The following EXOC6B variants were observed in gnomAD, a reference collection of about 807,000 sequenced individuals.
The protein encoded by EXOC6B is SEC15 homolog B.
Under a neutral mutation model 113.5 loss-of-function variants are expected in EXOC6B, and 54 were observed. The ratio of observed to expected loss-of-function variants is 0.48; its 90% CI spans 0.38 to 0.60. EXOC6B has a LOEUF of 0.60. Ranked by LOEUF, EXOC6B falls within the 20% of genes least tolerant of loss-of-function variation. The probability of loss-of-function intolerance (pLI) is 0.00; values close to 1 mark genes in which losing one functional copy is unlikely to be tolerated. For missense variants in EXOC6B, 797 were observed against 977.5 expected, an observed-to-expected ratio of 0.82 and a Z score of 2.46; for synonymous variants, 357 against 339.0, an observed-to-expected ratio of 1.05 and a Z score of -0.58.
chr2:72,225,151 C>T (rs920626831), intron 20 of EXOC6B, among the ~76,000 whole-genome samples: 2 of 150,802 alleles, frequency 1.3e-5, no homozygotes, highest in Non-Finnish European at 1.5e-5. Context: ...CGCGCCCAGC[C>T]TATTTTATTT....
chr2:72,434,556 G>A (rs1031846285), intron 18 of EXOC6B, among the ~76,000 whole-genome samples: 4 of 151,864 alleles, frequency 2.6e-5, no homozygotes, highest in East Asian at 1.9e-4. Flanking sequence ...TGGGTGGTAG[G>A]CTATTAATTA....
intron 6 of EXOC6B, among the ~76,000 whole-genome samples, chr2:72,589,507 C>T (rs1445099132): frequency 1.3e-5 from 2 of 149,148 alleles, no homozygotes; most frequent in Non-Finnish European, 3.0e-5. Flanking sequence ...ATTCAGAATA[C>T]TTAAATTAAG....
intron 7 of EXOC6B, among the ~76,000 whole-genome samples, chr2:72,567,861 A>G (rs954972576): frequency 1.3e-5 from 2 of 152,062 alleles, no homozygotes; most frequent in Admixed American, 1.3e-4. Flanking sequence ...TTTTTTATAG[A>G]AGAATGCTGA....
At chr2:72,607,999 T>C (rs1670853389) in intron 6 of EXOC6B, among the ~76,000 whole-genome samples, 1 of 152,126 alleles carries the variant, frequency 6.6e-6, no homozygotes, top group Non-Finnish European at 1.5e-5. Context: ...AGGATTGTTT[T>C]ACATAAATTC....
At chr2:72,410,473 C>T (rs1450653157) in intron 18 of EXOC6B, among the ~76,000 whole-genome samples, 7 of 152,160 alleles carry the variant, frequency 4.6e-5, no homozygotes, top group Non-Finnish European at 1.0e-4. Flanking sequence ...AAGTAAGCAA[C>T]ATTGCTGCCA....
At chr2:72,620,414 G>A (rs1321352172) in intron 6 of EXOC6B, among the ~76,000 whole-genome samples, 1 of 149,008 alleles carries the variant, frequency 6.7e-6, no homozygotes, top group Non-Finnish European at 1.5e-5. Context: ...TAACAAACCT[G>A]CACATCCTGC....
intron 10 of EXOC6B, 84 bp from the exon 11 acceptor site, chr2:72,513,336 T>C: frequency 6.7e-7 from 1 of 1,503,276 alleles, no homozygotes; most frequent in Non-Finnish European, 9.0e-7. Context: ...CATTAAGAGA[T>C]ACCATCAAAT....
chr2:72,474,894 A>G (rs1698639011), intron 17 of EXOC6B, among the ~76,000 whole-genome samples: 1 of 152,080 alleles, frequency 6.6e-6, no homozygotes, highest in African/African-American at 2.4e-5. Flanking sequence ...AATTTTTTAA[A>G]TTTGCTCTGG....
At chr2:72,758,174 A>G (rs1440441091) in intron 1 of EXOC6B, among the ~76,000 whole-genome samples, 2 of 151,022 alleles carry the variant, frequency 1.3e-5, no homozygotes, top group Admixed American at 6.6e-5. Flanking sequence ...CTCAAAAAAA[A>G]AAAAAAAAAA....
At chr2:72,265,402 C>G (rs182503672) in intron 20 of EXOC6B, among the ~76,000 whole-genome samples, 23 of 143,358 alleles carry the variant, frequency 1.6e-4, no homozygotes, top group African/African-American at 4.4e-4. Context: ...ATCCCTCCCC[C>G]CTCCCCGCAC....
At chr2:72,513,467 A>G (rs190113821) in intron 10 of EXOC6B, among the ~76,000 whole-genome samples, 1,965 of 152,186 alleles carry the variant, frequency 0.013, 24 homozygotes, top group Non-Finnish European at 0.017. Flanking sequence ...TCCTAGAGAG[A>G]TCAGAGTTAC....
At chr2:72,258,446 A>G (rs1055891293) in intron 20 of EXOC6B, among the ~76,000 whole-genome samples, 1 of 144,744 alleles carries the variant, frequency 6.9e-6, no homozygotes, top group Admixed American at 7.2e-5. Flanking sequence ...TCACTGCAGC[A>G]TTGACCTTGG....
chr2:72,666,441 C>A (rs1026116155), intron 6 of EXOC6B, among the ~76,000 whole-genome samples: 2 of 152,126 alleles, frequency 1.3e-5, no homozygotes, highest in Admixed American at 6.5e-5. Flanking sequence ...TCACCCCACA[C>A]ACACTCTCAG....
chr2:72,742,270 T>C (rs1315583086), intron 1 of EXOC6B, among the ~76,000 whole-genome samples: 1 of 152,214 alleles, frequency 6.6e-6, no homozygotes, highest in East Asian at 1.9e-4. Flanking sequence ...CATATATTTC[T>C]CCCTCTTTAC....
chr2:72,398,085 T>C (rs1272766060), intron 18 of EXOC6B, among the ~76,000 whole-genome samples: 1 of 152,182 alleles, frequency 6.6e-6, no homozygotes, highest in African/African-American at 2.4e-5. Flanking sequence ...TGGATGAGAT[T>C]AACATTTGAA....
intron 20 of EXOC6B, among the ~76,000 whole-genome samples, chr2:72,333,050 A>T (rs1688497326): frequency 6.6e-6 from 1 of 152,148 alleles, no homozygotes; most frequent in Non-Finnish European, 1.5e-5. Context: ...GCTTCAGTAG[A>T]GACAGGTATA....
intron 20 of EXOC6B, among the ~76,000 whole-genome samples, chr2:72,285,600 C>T (rs917284557): frequency 6.1e-4 from 93 of 151,964 alleles, no homozygotes; most frequent in African/African-American, 2.2e-3. Context: ...TTAGATATGA[C>T]TCCAAAGGCA....
chr2:72,406,583 C>T (rs1449234617), intron 18 of EXOC6B, among the ~76,000 whole-genome samples: 2 of 152,178 alleles, frequency 1.3e-5, no homozygotes, highest in Non-Finnish European at 2.9e-5. Context: ...GGAAACTGAA[C>T]AACCTGCTCC....
chr2:72,365,324 A>C (rs1690554685), intron 19 of EXOC6B, among the ~76,000 whole-genome samples: 1 of 152,182 alleles, frequency 6.6e-6, no homozygotes, highest in African/African-American at 2.4e-5. Flanking sequence ...GCACAGCACT[A>C]ATCTTTCCAG....
Sources: allele counts gnomAD v4.1 joint callset (sites outside exome capture counted in the v4.1 genomes callset), GRCh38; gene constraint gnomAD v4.1.1; transcripts MANE v1.5; gene names NCBI Gene and HGNC (gene_info 2026-07-23, HGNC 2026-07-21).